The following MPHOSPH6 variants were observed in gnomAD, a reference collection of about 807,000 sequenced individuals.
MPHOSPH6 encodes the protein M-phase phosphoprotein 6.
MPHOSPH6 carries 25 observed loss-of-function variants against 21.8 expected under a neutral mutation model. The observed-to-expected ratio is 1.15, with a 90% CI of 0.83 to 1.60. The LOEUF is 1.60. MPHOSPH6 is among the 40% of genes most tolerant of loss of function. The pLI is 0.00. For synonymous variants in MPHOSPH6, 84 were observed against 56.5 expected (o/e 1.49, Z -2.18); for missense variants, 269 against 181.8 (o/e 1.48, Z -2.76).
intron 2 of MPHOSPH6, among the ~76,000 whole-genome samples, chr16:82,154,402 A>T (rs1388470595): frequency 3.3e-5 from 5 of 152,234 alleles, no homozygotes; most frequent in African/African-American, 1.2e-4. Flanking sequence ...CAGCAATGTA[A>T]TACATACAAA....
chr16:82,151,806 G>A lies in MPHOSPH6; in HGVS notation c.165-292C>T, dbSNP rs997505854. ...AAGTATTGACAATAAACTTGAATTT[G>A]CCAAAGTTGAAGCAAAGTTTCTTTT... On this transcript the variant is annotated intron_variant, in intron 2 of 4. Coordinates refer to ENST00000258169, the MANE Select transcript of MPHOSPH6 (RefSeq NM_005792.2). Among the ~76,000 whole-genome samples the A allele has an allele frequency of 4.6e-5, 7 of 152,280 alleles. 1 individual carries two copies. In the South Asian group the frequency reaches 8.3e-4, roughly 18 times the overall value.
intron 2 of MPHOSPH6, among the ~76,000 whole-genome samples, chr16:82,157,738 C>A (rs1906473409): frequency 6.6e-6 from 1 of 152,118 alleles, no homozygotes; most frequent in Non-Finnish European, 1.5e-5. Flanking sequence ...GGGGTGACAT[C>A]TGAGCAAGGA....
At chr16:82,149,793 G>A (rs1450656945) in intron 3 of MPHOSPH6, among the ~76,000 whole-genome samples, 2 of 152,136 alleles carry the variant, frequency 1.3e-5, no homozygotes, top group African/African-American at 4.8e-5. Context: ...AACACTAGTC[G>A]TCAGTAATAA....
chr16:82,153,263 A>G (rs1906324470), intron 2 of MPHOSPH6, among the ~76,000 whole-genome samples: 1 of 152,250 alleles, frequency 6.6e-6, no homozygotes, highest in African/African-American at 2.4e-5. Context: ...TTCCATCCCT[A>G]GCTGTAGGGG....
At chr16:82,165,270 C>T (rs958211144) in intron 1 of MPHOSPH6, among the ~76,000 whole-genome samples, 4 of 151,460 alleles carry the variant, frequency 2.6e-5, no homozygotes, top group East Asian at 3.9e-4. Flanking sequence ...TGAGATTACG[C>T]GCCTGCCACC....
At chr16:82,169,915 C>T (rs1057298016) in intron 1 of MPHOSPH6, among the ~76,000 whole-genome samples, 3 of 152,196 alleles carry the variant, frequency 2.0e-5, no homozygotes, top group African/African-American at 7.2e-5. Flanking sequence ...CCCATCCGCC[C>T]GCGGGCCTCC....
intron 1 of MPHOSPH6, among the ~76,000 whole-genome samples, chr16:82,168,495 G>C (rs1430742496): frequency 7.2e-6 from 1 of 138,988 alleles, no homozygotes; most frequent in Non-Finnish European, 1.5e-5. Flanking sequence ...TTTTGAGACA[G>C]GGTCTCCCTG....
At chr16:82,163,904 T>C (rs992048557) in intron 2 of MPHOSPH6, 178 bp downstream of exon 2, 4 of 512,880 alleles carry the variant, frequency 7.8e-6, no homozygotes, top group Admixed American at 7.5e-5. Flanking sequence ...GTAGTAAAAA[T>C]GTATAAATCC....
At position 82,149,705 on chromosome 16, in the gene MPHOSPH6, C is replaced by T. The variant is rs73591419; in HGVS notation, c.256-302G>A. 0.041 allele frequency among the ~76,000 whole-genome samples: 6,183 copies of T among 152,214 alleles called. 427 individuals are homozygous for T. The highest frequency in any genetic ancestry group is 0.14 in the African/African-American group (5,735 of 41,500). On this transcript the variant is annotated intron_variant, in intron 3 of 4. Transcript: ENST00000258169. The stretch of plus-strand genomic sequence containing the variant: ...AAGCAGGCATACTGCTGACACATTC[C>T]GGTGAGTGGGGGAAGAAATAATAAA...
chr16:82,169,027 G>C (rs1312898716), intron 1 of MPHOSPH6, among the ~76,000 whole-genome samples: 1 of 152,188 alleles, frequency 6.6e-6, no homozygotes, highest in Non-Finnish European at 1.5e-5. Flanking sequence ...TAAGAAGAGA[G>C]TTACTGCCTG....
chr16:82,153,415 C>G (rs1289046577), intron 2 of MPHOSPH6, among the ~76,000 whole-genome samples: 1 of 152,158 alleles, frequency 6.6e-6, no homozygotes, highest in Non-Finnish European at 1.5e-5. Flanking sequence ...AAGTAGACCC[C>G]ATGAATGCGG....
At chr16:82,165,032 G>A (rs1255427284) in intron 1 of MPHOSPH6, 1 of 150,618 alleles carries the variant, frequency 6.6e-6, no homozygotes, top group Non-Finnish European at 1.5e-5. Context: ...AAAATACCCA[G>A]AAGCCTCCTA....
chr16:82,160,210 A>G (rs1169141136), intron 2 of MPHOSPH6, among the ~76,000 whole-genome samples: 1 of 152,224 alleles, frequency 6.6e-6, no homozygotes, highest in African/African-American at 2.4e-5. Context: ...CAGAGTTGGC[A>G]AGCAAGTGAA....
rs145137438 is a variant in MPHOSPH6 at position 82,168,572 on chromosome 16, G to A, written c.51+1553C>T. ...TGCAGCCTTGATCTCCCAAGCTCAAGTGATCCTCCCACCTCAGCCTCCCAA... is the reference window on the plus strand; with the variant it reads ...TGCAGCCTTGATCTCCCAAGCTCAAATGATCCTCCCACCTCAGCCTCCCAA... On this transcript the variant is annotated intron_variant, in intron 1 of 4. Transcript: ENST00000258169. Among the ~76,000 whole-genome samples the A allele has an allele frequency of 7.1e-3, 1,078 of 151,040 alleles. 8 individuals carry two copies. The highest frequency in any genetic ancestry group is 0.011 in the Non-Finnish European group (759 of 67,942).
Position 82,148,824 on chromosome 16 carries a change from G to C in MPHOSPH6, c.390C>G (p.Ala130=). The C allele has an allele frequency of 6.2e-7, 1 of 1,613,914 alleles. No individual in the cohort carries two copies. The highest frequency in any genetic ancestry group is 8.5e-7 in the Non-Finnish European group (1 of 1,179,968). ...TLVGTIGKKF[A]RKRDHANYEE... Reference sequence around the variant, plus strand: ...CATAATTGGCATGGTCTCTCTTTCTGGCAAACTTTTTCCCAATTGTCCCCA... The same window carrying C: ...CATAATTGGCATGGTCTCTCTTTCTCGCAAACTTTTTCCCAATTGTCCCCA... Residue 130 remains alanine (A), a synonymous_variant, in exon 5 of 5, where the codon GCC becomes GCG. Coordinates refer to ENST00000258169, the MANE Select transcript of MPHOSPH6 (RefSeq NM_005792.2).
chr16:82,157,572 C>G (rs192927981), intron 2 of MPHOSPH6, among the ~76,000 whole-genome samples: 71 of 152,284 alleles, frequency 4.7e-4, no homozygotes, highest in Admixed American at 3.8e-3. Context: ...GATGCATGCA[C>G]TATCAAAACA....
At chr16:82,165,723 G>C (rs78004660) in intron 1 of MPHOSPH6, among the ~76,000 whole-genome samples, 2 of 25,738 alleles carry the variant, frequency 7.8e-5, no homozygotes, top group Admixed American at 8.4e-4. Context: ...TGCTGTATAG[G>C]TTTGCAGCCT....
chr16:82,165,430 C>T (rs1906742686), intron 1 of MPHOSPH6, among the ~76,000 whole-genome samples: 1 of 151,898 alleles, frequency 6.6e-6, no homozygotes, highest in Admixed American at 6.6e-5. Context: ...GGCCCAGGTC[C>T]CATATTTCTC....
At chr16:82,164,232 C>G (rs750877592) in intron 1 of MPHOSPH6, 38 bp from the exon 2 acceptor site, 7 of 1,416,018 alleles carry the variant, frequency 4.9e-6, no homozygotes, top group African/African-American at 1.4e-5. Context: ...GAAACTTTTC[C>G]CATTTTAGAA....
Sources: allele counts gnomAD v4.1 joint callset (sites outside exome capture counted in the v4.1 genomes callset), GRCh38; gene constraint gnomAD v4.1.1; transcripts MANE v1.5; gene names NCBI Gene and HGNC (gene_info 2026-07-23, HGNC 2026-07-21).